CLC: variants seen among roughly 807,000 people sequenced by gnomAD.
CLC encodes Charcot-Leyden crystal galectin, also known as galectin-10.
CLC carries 15 observed loss-of-function variants against 13.9 expected under a neutral mutation model. The observed-to-expected ratio is 1.08, with a 90% CI of 0.72 to 1.66. The LOEUF is 1.66. CLC is among the 40% of genes most tolerant of loss of function. The pLI is 0.00. For missense variants in CLC, 161 were observed against 169.1 expected (o/e 0.95, Z 0.27); for synonymous variants, 68 against 59.9 (o/e 1.14, Z -0.63).
Position 39,733,588 on chromosome 19 carries a change from G to A in CLC, c.303+695C>T, listed in dbSNP as rs192933617. On this transcript the variant is annotated intron_variant, in intron 3 of 3. Transcript: ENST00000221804. ...AGCAAGTTGAGGAAATCCTTCTAGG[G>A]GAATATTATGTAATCCTTAAAAAAA... is the stretch of plus-strand genomic sequence containing the variant. Among the ~76,000 whole-genome samples the A allele has an allele frequency of 2.7e-3, 408 of 152,092 alleles. 1 individual carries two copies. The highest frequency in any genetic ancestry group is 8.1e-3 in the African/African-American group (337 of 41,488).
intron 3 of CLC, 59 bp downstream of exon 3, chr19:39,734,224 C>A: frequency 6.4e-7 from 1 of 1,552,612 alleles, no homozygotes; most frequent in Non-Finnish European, 8.8e-7. Context: ...GCATGAAGAG[C>A]TGCCTCCTGC....
intron 2 of CLC, 46 bp from the exon 3 acceptor site, chr19:39,734,539 G>A: frequency 6.8e-7 from 1 of 1,478,022 alleles, no homozygotes; most frequent in Non-Finnish European, 9.5e-7. Flanking sequence ...TTCTTGTGGG[G>A]CACACACAAG....
intron 2 of CLC, 88 bp from the exon 3 acceptor site, chr19:39,734,581 G>A: frequency 8.5e-7 from 1 of 1,170,744 alleles, no homozygotes; most frequent in Non-Finnish European, 1.3e-6. Context: ...CCCCTTCCGT[G>A]GTCGAGCAAA....
At chr19:39,733,827 T>G in intron 3 of CLC, 1 of 382,872 alleles carries the variant, frequency 2.6e-6, no homozygotes, top group Non-Finnish European at 3.2e-6. Flanking sequence ...AGGATTGGGA[T>G]TGAGGAGTGA....
In CLC at chr19:39,731,797, A is replaced by G. The variant is rs942422520; in HGVS notation, c.304-292T>C. Among the ~76,000 whole-genome samples, 5 of 152,210 alleles carry G rather than the reference A, an allele frequency of 3.3e-5. No individual in the cohort carries two copies. The East Asian group carries it at 9.6e-4, about 29-fold the overall frequency. ...TCTATCCTGGAAGATCTCCAAGGCCAGGGACTGTGTTTCATAAACTTGAAT... is the reference window on the plus strand; with the variant it reads ...TCTATCCTGGAAGATCTCCAAGGCCGGGGACTGTGTTTCATAAACTTGAAT... On this transcript the variant is annotated intron_variant, in intron 3 of 3. Coordinates refer to ENST00000221804, the MANE Select transcript of CLC (RefSeq NM_001828.6).
chr19:39,731,657 T>C, intron 3 of CLC, 152 bp from the exon 4 acceptor site: 1 of 708,394 alleles, frequency 1.4e-6, no homozygotes, highest in Non-Finnish European at 2.3e-6. Context: ...TTTTACAGAC[T>C]ACCTGTTGTA....
chr19:39,734,227 C>T, intron 3 of CLC, 56 bp downstream of exon 3: 1 of 1,562,400 alleles, frequency 6.4e-7, no homozygotes, highest in Non-Finnish European at 8.7e-7. Flanking sequence ...TGAAGAGCTG[C>T]CTCCTGCTCT....
intron 1 of CLC, among the ~76,000 whole-genome samples, chr19:39,737,640 C>T (rs1600848249): frequency 1.3e-5 from 2 of 152,196 alleles, no homozygotes; most frequent in African/African-American, 2.4e-5. Flanking sequence ...CACACCCACC[C>T]ATATCCTGGA....
chr19:39,731,272 T>G lies in CLC; in HGVS notation c.*108A>C. 1 of 1,240,510 alleles carries G rather than the reference T, an allele frequency of 8.1e-7. No homozygotes were observed. The highest frequency in any genetic ancestry group is 1.3e-5 in the South Asian group (1 of 77,226). 76.8% of individuals were successfully genotyped at this position (1,240,510 alleles called of 1,614,324 possible). A position where few individuals can be genotyped will look rare whatever the true frequency, so the allele number is the denominator to read the frequency against. ...AAATTCTGTGAAGTTTGATTAAGTT[T>G]TAATGAGCAGGAGTAAGGATTGAAG... is the stretch of plus-strand genomic sequence containing the variant. On this transcript the variant is annotated 3_prime_UTR_variant, in exon 4 of 4. Coordinates refer to ENST00000221804, the MANE Select transcript of CLC (RefSeq NM_001828.6).
rs1967287154 is a variant in CLC at position 39,734,981 on chromosome 19, A to G, written c.92+16T>C. The G allele has an allele frequency of 8.2e-6, 13 of 1,578,560 alleles. No individual in the cohort carries two copies. The highest frequency in any genetic ancestry group is 1.1e-5 in the Non-Finnish European group (13 of 1,147,830). On this transcript the variant is annotated intron_variant, in intron 2 of 3. Transcript: ENST00000221804. ...CCTCTTCTCCACCTCCCATCTTTGC[A>G]CCATGGAGTACTCACAAGAAACAGG...
intron 3 of CLC, among the ~76,000 whole-genome samples, chr19:39,733,677 A>G (rs1039537466): frequency 1.3e-5 from 2 of 152,210 alleles, no homozygotes; most frequent in African/African-American, 4.8e-5. Context: ...CTCAACTGTC[A>G]TTCCTAAAGT....
chr19:39,731,537 A>G (rs1203258115), intron 3 of CLC, 32 bp from the exon 4 acceptor site: 2 of 1,580,258 alleles, frequency 1.3e-6, no homozygotes, highest in East Asian at 2.3e-5. Flanking sequence ...TCAGAAAGAC[A>G]GTATTTCACC....
rs764821823 is a variant in CLC at position 39,734,480 on chromosome 19, G to A, written c.106C>T (p.Leu36=). The change falls in exon 3 of 4, where the codon CTG becomes TTG. Residue 36 remains leucine, a synonymous_variant. Coordinates refer to ENST00000221804, the MANE Select transcript of CLC (RefSeq NM_001828.6). ...PLACFLNEPY[L]QVDFHTEMKE... ...ATCTCAGTGTGGAAATCCACCTGCA[G>A]ATATGGTTCATTCCTGAGGGCAGAG... 1.9e-6 allele frequency: 3 copies of A among 1,613,874 alleles called. No individual in the cohort carries two copies. Among genetic ancestry groups the A allele is most frequent in the African/African-American group, 2.7e-5 (2 of 74,928 alleles).
At chr19:39,731,583 G>A in intron 3 of CLC, 78 bp from the exon 4 acceptor site, 2 of 1,467,500 alleles carry the variant, frequency 1.4e-6, no homozygotes, top group South Asian at 2.7e-5. Flanking sequence ...TGGTGTCATA[G>A]TACCTGAAAC....
rs1270022432 is a variant in CLC, at chr19:39,731,530, G to A, written c.304-25C>T. On this transcript the variant is annotated intron_variant, in intron 3 of 3. Coordinates refer to ENST00000221804, the MANE Select transcript of CLC (RefSeq NM_001828.6). ...CCTACAGAAGGAAAAAAATACATCA[G>A]AAAGACAGTATTTCACCAAACAAGC... 1.9e-6 allele frequency: 3 copies of A among 1,586,372 alleles called. No individual in the cohort carries two copies. The African/African-American group carries it at 4.0e-5, about 21-fold the overall frequency.
intron 2 of CLC, 80 bp downstream of exon 2, chr19:39,734,917 T>C: frequency 1.8e-6 from 2 of 1,104,280 alleles, no homozygotes. Context: ...ACTTTCCACA[T>C]GATTCACACA....
chr19:39,737,531 G>T (rs1473848599), intron 1 of CLC, among the ~76,000 whole-genome samples: 1 of 151,860 alleles, frequency 6.6e-6, no homozygotes, highest in Admixed American at 6.6e-5. Flanking sequence ...TGCTCACTGT[G>T]CATATAAAGA....
At chr19:39,735,758 G>A (rs979188202) in intron 1 of CLC, among the ~76,000 whole-genome samples, 3 of 152,128 alleles carry the variant, frequency 2.0e-5, no homozygotes, top group Non-Finnish European at 4.4e-5. Context: ...CCTAAACCCT[G>A]GCACGTATAG....
intron 1 of CLC, 56 bp from the exon 2 acceptor site, chr19:39,735,129 C>T (rs1967289631): frequency 3.2e-6 from 4 of 1,241,628 alleles, no homozygotes; most frequent in Non-Finnish European, 4.8e-6. Flanking sequence ...GCCTCCCCTC[C>T]TGTAACAGAT....
Sources: allele counts gnomAD v4.1 joint callset (sites outside exome capture counted in the v4.1 genomes callset), GRCh38; gene constraint gnomAD v4.1.1; transcripts MANE v1.5; gene names NCBI Gene and HGNC (gene_info 2026-07-23, HGNC 2026-07-21).